DNAH12: variants seen among roughly 807,000 people sequenced by gnomAD.
DNAH12 encodes the protein dynein axonemal heavy chain 12.
DNAH12 carries 285 observed loss-of-function variants against 371.5 expected under a neutral mutation model. The ratio of observed to expected loss-of-function variants is 0.77; its 90% CI spans 0.70 to 0.85. The LOEUF is 0.85. DNAH12 is among the 40% of genes least tolerant of loss of function. The probability of loss-of-function intolerance (pLI) is 0.00; values close to 1 mark genes in which losing one functional copy is unlikely to be tolerated. For missense variants in DNAH12, 3,611 were observed against 3,689.4 expected, an observed-to-expected ratio of 0.98 and a Z score of 0.55; for synonymous variants, 1,200 against 1,213.0, an observed-to-expected ratio of 0.99 and a Z score of 0.22.
rs1448629973 is a variant in DNAH12, at chr3:57,495,766, ATTTTATATAT to A, written c.1335+5545_1335+5554del. ...GAATATTTTTATATATTTATATATT[ATTTTATATAT>A]TTTTATATATTTATATATTTTTAAT... On this transcript the variant is annotated intron_variant, in intron 11 of 73. Transcript: ENST00000495027. Among the ~76,000 whole-genome samples, 171 of 143,502 alleles carry A rather than the reference ATTTTATATAT, an allele frequency of 1.2e-3. 1 individual carries two copies. The highest frequency in any genetic ancestry group is 4.0e-3 in the African/African-American group (158 of 39,166). 94.1% of individuals were successfully genotyped at this position (143,502 alleles called of 152,430 possible).
intron 10 of DNAH12, among the ~76,000 whole-genome samples, chr3:57,502,110 T>C (rs1042711562): frequency 2.6e-5 from 4 of 152,076 alleles, no homozygotes; most frequent in South Asian, 4.1e-4. Context: ...GGTTTCACCG[T>C]GTTAGCCAGG....
In DNAH12 at chr3:57,405,990, C is replaced by T. The variant is rs72879633; in HGVS notation, c.6277-38G>A. ...AAAGCAACAAAGCAAAAATAAAATG[C>T]TTATAATCAGTAAAGTCATGTAACC... On this transcript the variant is annotated intron_variant, in intron 40 of 73. Transcript: ENST00000495027. 2,371 of 1,505,986 alleles carry T rather than the reference C, an allele frequency of 1.6e-3. 21 individuals are homozygous for T. In the African/African-American group the frequency reaches 0.027, roughly 17 times the overall value. The allele number at this position is 1,505,986 out of a possible 1,614,324, so 93.3% of individuals were successfully genotyped here. A position where few individuals can be genotyped will look rare whatever the true frequency, so the allele number is the denominator to read the frequency against.
At chr3:57,464,797 A>G (rs1184805902) in intron 17 of DNAH12, among the ~76,000 whole-genome samples, 1 of 152,256 alleles carries the variant, frequency 6.6e-6, no homozygotes, top group East Asian at 1.9e-4. Flanking sequence ...AGTTAGCACT[A>G]TAGATTCTAC....
At chr3:57,435,688 G>A (rs2153367053) in intron 30 of DNAH12, among the ~76,000 whole-genome samples, 1 of 152,160 alleles carries the variant, frequency 6.6e-6, no homozygotes, top group African/African-American at 2.4e-5. Context: ...TAGGTGTGGT[G>A]GTGCGCACCT....
chr3:57,327,340 A>G (rs2061974218), intron 62 of DNAH12, among the ~76,000 whole-genome samples: 1 of 151,766 alleles, frequency 6.6e-6, no homozygotes, highest in Non-Finnish European at 1.5e-5. Context: ...GTAAAAGAAC[A>G]GAAATTATAA....
intron 60 of DNAH12, among the ~76,000 whole-genome samples, chr3:57,350,552 G>C (rs1405709432): frequency 1.3e-5 from 2 of 152,192 alleles, no homozygotes; most frequent in Non-Finnish European, 2.9e-5. Flanking sequence ...ACATCTAAAT[G>C]TGAAACGCAT....
intron 4 of DNAH12, among the ~76,000 whole-genome samples, chr3:57,516,941 T>C (rs2153396142): frequency 1.3e-5 from 2 of 152,290 alleles, no homozygotes; most frequent in East Asian, 1.9e-4. Context: ...GACCCCCTTT[T>C]CAAGTTTATT....
intron 4 of DNAH12, among the ~76,000 whole-genome samples, chr3:57,521,353 T>C (rs535788402): frequency 3.8e-4 from 58 of 152,172 alleles, no homozygotes; most frequent in Admixed American, 3.3e-3. Flanking sequence ...CTTCCTCCAC[T>C]GAATGATTTT....
intron 56 of DNAH12, among the ~76,000 whole-genome samples, chr3:57,367,723 T>C (rs1244321141): frequency 6.6e-6 from 1 of 152,100 alleles, no homozygotes; most frequent in African/African-American, 2.4e-5. Context: ...TTTGACACCA[T>C]CACTATTCAT....
intron 42 of DNAH12, among the ~76,000 whole-genome samples, chr3:57,404,007 A>C (rs370290769): frequency 1.1e-4 from 17 of 152,218 alleles, no homozygotes; most frequent in East Asian, 9.6e-4. Context: ...GAATAATGGA[A>C]GCTCTCAAAA....
At chr3:57,361,213 A>G (rs1403073204) in intron 58 of DNAH12, among the ~76,000 whole-genome samples, 1 of 150,952 alleles carries the variant, frequency 6.6e-6, no homozygotes, top group African/African-American at 2.4e-5. Flanking sequence ...TTGGCCTGGC[A>G]TGGTGGGCGC....
intron 4 of DNAH12, among the ~76,000 whole-genome samples, chr3:57,517,322 T>A (rs1346057793): frequency 6.6e-6 from 1 of 152,142 alleles, no homozygotes; most frequent in Non-Finnish European, 1.5e-5. Flanking sequence ...GGCTTATATG[T>A]CCATCTTGTC....
chr3:57,473,465 G>A (rs562603939), intron 13 of DNAH12, among the ~76,000 whole-genome samples: 41 of 151,146 alleles, frequency 2.7e-4, no homozygotes, highest in African/African-American at 9.2e-4. Context: ...CAGCCTGGGC[G>A]ACAGAGTGAG....
chr3:57,401,471 G>A (rs2063858737), intron 43 of DNAH12, among the ~76,000 whole-genome samples: 1 of 148,640 alleles, frequency 6.7e-6, no homozygotes, highest in Non-Finnish European at 1.5e-5. Flanking sequence ...GGCTGAGACA[G>A]GAGAATCGCT....
Position 57,344,985 on chromosome 3 carries a change from T to A in DNAH12, c.9674+7100A>T, listed in dbSNP as rs144337106. ...GTATAATTTTTGACTCCCCCAAAAC[T>A]TAACTACTAGTAGTCTATTGTTGAC... On this transcript the variant is annotated intron_variant, in intron 60 of 73. Transcript: ENST00000495027. 4.6e-5 allele frequency among the ~76,000 whole-genome samples: 7 copies of A among 152,112 alleles called. No homozygotes were observed. In the East Asian group the frequency reaches 1.4e-3, roughly 29 times the overall value.
At chr3:57,352,313 T>G in intron 59 of DNAH12, 88 bp from the exon 60 acceptor site, 1 of 1,340,128 alleles carries the variant, frequency 7.5e-7, no homozygotes, top group East Asian at 2.6e-5. Context: ...TTTTATTTTA[T>G]GAAAGTATCA....
At chr3:57,441,884 A>G (rs1292131886) in intron 29 of DNAH12, among the ~76,000 whole-genome samples, 1 of 152,172 alleles carries the variant, frequency 6.6e-6, no homozygotes, top group Non-Finnish European at 1.5e-5. Context: ...AGTACAAAAC[A>G]AAACTAGGCA....
intron 17 of DNAH12, among the ~76,000 whole-genome samples, chr3:57,466,732 CT>C (rs1446831936): frequency 2.0e-5 from 3 of 152,038 alleles, no homozygotes; most frequent in Non-Finnish European, 2.9e-5. Flanking sequence ...GCTAAGTGGT[CT>C]GACCTAGTAA....
At chr3:57,499,493 C>T (rs1230432593) in intron 11 of DNAH12, among the ~76,000 whole-genome samples, 1 of 149,298 alleles carries the variant, frequency 6.7e-6, no homozygotes, top group Non-Finnish European at 1.5e-5. Context: ...TTGTAAAATT[C>T]CTTCAATTTC....
Sources: allele counts gnomAD v4.1 joint callset (sites outside exome capture counted in the v4.1 genomes callset), GRCh38; gene constraint gnomAD v4.1.1; transcripts MANE v1.5; gene names NCBI Gene and HGNC (gene_info 2026-07-23, HGNC 2026-07-21).